The following SMAD9 variants were observed in gnomAD, a reference collection of about 807,000 sequenced individuals.
SMAD9 encodes the protein SMAD family member 9, also known as MAD homolog 9.
A neutral mutation model predicts 46.1 loss-of-function variants in SMAD9; 36 were observed. That is an observed-to-expected ratio of 0.78 (90% CI 0.60 to 1.03). SMAD9 has a LOEUF of 1.03. Ranked by LOEUF, SMAD9 falls within the 50% of genes least tolerant of loss-of-function variation. SMAD9 has a pLI of 0.00. For missense variants in SMAD9, 572 were observed against 599.8 expected (o/e 0.95, Z 0.48); for synonymous variants, 245 against 237.1 (o/e 1.03, Z -0.31).
chr13:36,904,428 T>C, intron 1 of SMAD9, among the ~76,000 whole-genome samples: 1 of 152,250 alleles, frequency 6.6e-6, no homozygotes, highest in Non-Finnish European at 1.5e-5. Flanking sequence ...AAATGTATAA[T>C]TGCCCTATGC....
chr13:36,845,698 A>G lies in SMAD9; in HGVS notation c.*2978T>C, dbSNP rs1013039867. 2.6e-5 allele frequency: 4 copies of G among 152,102 alleles called. No individual in the cohort carries two copies. The highest frequency in any genetic ancestry group is 9.7e-5 in the African/African-American group (4 of 41,404). 9.4% of individuals were successfully genotyped at this position (152,102 alleles called of 1,614,324 possible). The stretch of plus-strand genomic sequence containing the variant: ...CCCATTTAGCAGCCTGAAATCAAAT[A>G]CTGCATTTATTTTTTGAAACTCTTG... On this transcript the variant is annotated 3_prime_UTR_variant, in exon 7 of 7. Transcript: ENST00000379826.
At chr13:36,866,634 A>G (rs1468173612) in intron 4 of SMAD9, among the ~76,000 whole-genome samples, 1 of 152,200 alleles carries the variant, frequency 6.6e-6, no homozygotes, top group African/African-American at 2.4e-5. Context: ...AAAGGATCTT[A>G]GCTTATAAAA....
At chr13:36,900,663 CACTAAA>C (rs1217112282) in intron 1 of SMAD9, among the ~76,000 whole-genome samples, 1 of 147,792 alleles carries the variant, frequency 6.8e-6, no homozygotes, top group East Asian at 2.0e-4. Context: ...AAGGACTTAC[CACTAAA>C]ACTATCATTA....
At chr13:36,864,821 A>T (rs1412140215) in intron 5 of SMAD9, among the ~76,000 whole-genome samples, 6 of 152,338 alleles carry the variant, frequency 3.9e-5, no homozygotes, top group African/African-American at 1.4e-4. Context: ...TAAGTGCTGG[A>T]TGGAGAGAGA....
At chr13:36,876,031 T>C (rs556366328) in intron 2 of SMAD9, among the ~76,000 whole-genome samples, 10 of 152,304 alleles carry the variant, frequency 6.6e-5, no homozygotes, top group Non-Finnish European at 1.0e-4. Context: ...TTTTAAATAC[T>C]TTCACTCACA....
intron 1 of SMAD9, among the ~76,000 whole-genome samples, chr13:36,909,739 G>C (rs2138684397): frequency 6.6e-6 from 1 of 152,274 alleles, no homozygotes; most frequent in East Asian, 1.9e-4. Context: ...CTGTAAAATG[G>C]AAACAATAGT....
chr13:36,863,848 CTTT>C (rs1241022746), intron 5 of SMAD9, among the ~76,000 whole-genome samples: 1 of 152,268 alleles, frequency 6.6e-6, no homozygotes, highest in African/African-American at 2.4e-5. Context: ...AAATAAACCT[CTTT>C]TTTTAATAAA....
chr13:36,867,695 C>G (rs1179841026), intron 3 of SMAD9, among the ~76,000 whole-genome samples: 1 of 152,186 alleles, frequency 6.6e-6, no homozygotes, highest in Non-Finnish European at 1.5e-5. Context: ...TTTCTCATAG[C>G]AGAATAGTCT....
intron 1 of SMAD9, among the ~76,000 whole-genome samples, chr13:36,909,646 T>G (rs970778721): frequency 1.3e-5 from 2 of 152,096 alleles, no homozygotes; most frequent in Non-Finnish European, 1.5e-5. Flanking sequence ...AACACAAGAA[T>G]GGAGGAAGAA....
intron 1 of SMAD9, among the ~76,000 whole-genome samples, chr13:36,901,339 T>C (rs79283364): frequency 0.02 from 3,009 of 152,232 alleles, 95 homozygotes; most frequent in African/African-American, 0.069. Context: ...TGACACTTGT[T>C]ATTTTTCACT....
At chr13:36,878,740 G>A (rs905561049) in intron 2 of SMAD9, among the ~76,000 whole-genome samples, 3 of 151,970 alleles carry the variant, frequency 2.0e-5, no homozygotes, top group Admixed American at 6.6e-5. Context: ...TGTTTGGGGC[G>A]GGGGGAGGAG....
intron 1 of SMAD9, among the ~76,000 whole-genome samples, 170 bp downstream of exon 1, chr13:36,919,946 C>T (rs2058730056): frequency 6.6e-6 from 1 of 151,546 alleles, no homozygotes; most frequent in African/African-American, 2.4e-5. Flanking sequence ...ACAACTTCGC[C>T]CTCCACTCAA....
intron 1 of SMAD9, among the ~76,000 whole-genome samples, chr13:36,906,186 G>A (rs1215343457): frequency 2.6e-5 from 4 of 151,856 alleles, no homozygotes; most frequent in African/African-American, 9.7e-5. Context: ...ATCACACACT[G>A]GACTGTTATC....
chr13:36,891,148 T>C (rs1335176988), intron 1 of SMAD9, among the ~76,000 whole-genome samples: 4 of 146,474 alleles, frequency 2.7e-5, no homozygotes, highest in African/African-American at 1.1e-4. Context: ...CCATTTTGCC[T>C]AGTCCTACTA....
intron 5 of SMAD9, 80 bp from the exon 6 acceptor site, chr13:36,853,755 G>T: frequency 7.0e-7 from 1 of 1,429,712 alleles, no homozygotes; most frequent in Non-Finnish European, 9.8e-7. Flanking sequence ...AACCCTAGGA[G>T]ATGTGACTCT....
intron 1 of SMAD9, among the ~76,000 whole-genome samples, chr13:36,892,628 G>C (rs373457425): frequency 6.6e-6 from 1 of 152,202 alleles, no homozygotes; most frequent in Middle Eastern, 3.4e-3. Context: ...GAAATGGATC[G>C]GACTACATCA....
chr13:36,870,750 A>G (rs936680137), intron 3 of SMAD9, among the ~76,000 whole-genome samples: 2 of 136,328 alleles, frequency 1.5e-5, no homozygotes, highest in Non-Finnish European at 3.2e-5. Context: ...TTTATAAATT[A>G]AACACAGTAA....
intron 1 of SMAD9, among the ~76,000 whole-genome samples, chr13:36,888,447 T>A (rs762331045): frequency 6.6e-6 from 1 of 152,184 alleles, no homozygotes; most frequent in South Asian, 2.1e-4. Context: ...TAAACCTCTT[T>A]TGTTTATAAA....
chr13:36,872,731 C>A lies in SMAD9; in HGVS notation c.597G>T (p.Gln199His), dbSNP rs373813161. The change falls in exon 3 of 7, where the codon CAG becomes CAT. Residue 199 changes from glutamine (Q) to histidine (H), a missense_variant. Coordinates refer to ENST00000379826, the MANE Select transcript of SMAD9 (RefSeq NM_001127217.3). The stretch of plus-strand genomic sequence containing the variant: ...GAGGGTAGCTGGCCGTGCACGGGGA[C>A]TGGGAGAACGCGTGGCTGGGTGAGG... ...LPPSPSHAFS[Q>H]SPCTASYPHS... is the part of the protein sequence containing the mutation. 3 of 1,613,834 alleles carry A rather than the reference C, an allele frequency of 1.9e-6. No homozygotes were observed. Among genetic ancestry groups the A allele is most frequent in the African/African-American group, 2.7e-5 (2 of 74,840 alleles).
Sources: allele counts gnomAD v4.1 joint callset (sites outside exome capture counted in the v4.1 genomes callset), GRCh38; gene constraint gnomAD v4.1.1; transcripts MANE v1.5; gene names NCBI Gene and HGNC (gene_info 2026-07-23, HGNC 2026-07-21).